Variants in SLC25A48 observed in about 807,000 individuals in gnomAD.
SLC25A48 encodes solute carrier family 25 member 48, also known as CTC-321K16.1.
SLC25A48 carries 29 observed loss-of-function variants against 32.2 expected under a neutral mutation model. The observed-to-expected ratio is 0.90, with a 90% CI of 0.67 to 1.23. The LOEUF is 1.23. Among genes scored for constraint, SLC25A48 ranks in the 50% most tolerant of loss-of-function variants. SLC25A48 has a pLI of 0.00. For synonymous variants in SLC25A48, 164 were observed against 172.3 expected (o/e 0.95, Z 0.38); for missense variants, 399 against 422.7 (o/e 0.94, Z 0.49).
chr5:135,845,037 A>G (rs955969906), intron 2 of SLC25A48, among the ~76,000 whole-genome samples: 3 of 152,240 alleles, frequency 2.0e-5, no homozygotes, highest in Admixed American at 6.5e-5. Flanking sequence ...TGCTGTAACA[A>G]ATAACCACAA....
intron 3 of SLC25A48, among the ~76,000 whole-genome samples, chr5:135,725,580 C>T (rs1273062570): frequency 6.6e-6 from 1 of 152,208 alleles, no homozygotes; most frequent in Non-Finnish European, 1.5e-5. Flanking sequence ...CCCTCTCCTT[C>T]CTCAAGTTAC....
At chr5:135,624,494 G>A (rs1230111925) in intron 1 of SLC25A48, among the ~76,000 whole-genome samples, 1 of 152,220 alleles carries the variant, frequency 6.6e-6, no homozygotes, top group East Asian at 1.9e-4. Flanking sequence ...TAATAGTGTA[G>A]ATGGTAAATA....
intron 4 of SLC25A48, among the ~76,000 whole-genome samples, chr5:135,860,622 A>G (rs766122355): frequency 2.0e-4 from 30 of 152,166 alleles, no homozygotes; most frequent in Non-Finnish European, 4.0e-4. Context: ...CAAACAGAAC[A>G]CCATAGAGCC....
intron 3 of SLC25A48, among the ~76,000 whole-genome samples, chr5:135,657,178 T>C (rs1340308566): frequency 6.6e-6 from 1 of 152,168 alleles, no homozygotes; most frequent in Admixed American, 6.5e-5. Context: ...CCCTGTAATT[T>C]AGTTCTACCA....
chr5:135,882,392 G>A (rs144962347), intron 7 of SLC25A48, among the ~76,000 whole-genome samples: 2 of 152,264 alleles, frequency 1.3e-5, no homozygotes, highest in African/African-American at 4.8e-5. Flanking sequence ...CTCTTTGAAT[G>A]CCTCCCTCAT....
chr5:135,763,959 G>T (rs1170400863), intron 3 of SLC25A48, among the ~76,000 whole-genome samples: 3 of 152,148 alleles, frequency 2.0e-5, no homozygotes, highest in Non-Finnish European at 4.4e-5. Flanking sequence ...TGCAACTTCT[G>T]TCTGCCGGGT....
intron 3 of SLC25A48, among the ~76,000 whole-genome samples, chr5:135,647,309 C>T (rs144980179): frequency 1.6e-3 from 251 of 152,166 alleles, no homozygotes; most frequent in African/African-American, 5.8e-3. Context: ...TGATCCAATC[C>T]AGGGCACCGC....
chr5:135,712,986 A>G (rs572437955), intron 3 of SLC25A48, among the ~76,000 whole-genome samples: 78 of 152,252 alleles, frequency 5.1e-4, no homozygotes, highest in African/African-American at 1.7e-3. Context: ...TATCCATCCT[A>G]TGTTCCCCTT....
chr5:135,767,306 T>C (rs1023088486), intron 3 of SLC25A48, among the ~76,000 whole-genome samples: 6 of 151,910 alleles, frequency 3.9e-5, no homozygotes, highest in Non-Finnish European at 8.8e-5. Flanking sequence ...TGATATTACT[T>C]TCCATATCGT....
intron 1 of SLC25A48, among the ~76,000 whole-genome samples, chr5:135,610,874 A>T (rs1561757183): frequency 6.6e-6 from 1 of 152,238 alleles, no homozygotes; most frequent in Admixed American, 6.5e-5. Context: ...CACTTTATAC[A>T]TAACTTTAGT....
At chr5:135,724,379 T>C (rs1484160688) in intron 3 of SLC25A48, among the ~76,000 whole-genome samples, 1 of 150,434 alleles carries the variant, frequency 6.6e-6, no homozygotes, top group East Asian at 2.0e-4. Flanking sequence ...CCATACCTCC[T>C]TGGAGCCCCC....
chr5:135,711,945 C>T (rs1310310800), intron 3 of SLC25A48, among the ~76,000 whole-genome samples: 1 of 151,926 alleles, frequency 6.6e-6, no homozygotes, highest in East Asian at 1.9e-4. Flanking sequence ...CCCCCTCCCA[C>T]CCAGGCATCC....
At chr5:135,671,318 T>C (rs568745162) in intron 3 of SLC25A48, among the ~76,000 whole-genome samples, 27 of 152,346 alleles carry the variant, frequency 1.8e-4, no homozygotes, top group Admixed American at 1.0e-3. Flanking sequence ...TTCCTTTATG[T>C]AGCAGGCTCT....
intron 3 of SLC25A48, among the ~76,000 whole-genome samples, chr5:135,801,690 G>A (rs1757330708): frequency 6.6e-6 from 1 of 150,972 alleles, no homozygotes; most frequent in African/African-American, 2.4e-5. Context: ...CTATAATAAG[G>A]TTTGTAATAT....
rs368986191 is a variant in SLC25A48 at position 135,759,565 on chromosome 5, C to T, written c.-520-52958C>T. 7.9e-5 allele frequency among the ~76,000 whole-genome samples: 12 copies of T among 152,216 alleles called. No homozygotes were observed. In the East Asian group the frequency reaches 9.7e-4, roughly 12 times the overall value. ...CCTGAATAAGTCATACAGGGATGCCCCTACTCACAGCCAAGATTAGAGCAT... is the reference window on the plus strand; with the variant it reads ...CCTGAATAAGTCATACAGGGATGCCTCTACTCACAGCCAAGATTAGAGCAT... On this transcript the variant is annotated intron_variant, in intron 3 of 10. Coordinates refer to the SLC25A48 transcript ENST00000646290.
intron 3 of SLC25A48, among the ~76,000 whole-genome samples, chr5:135,811,146 A>G (rs1757582011): frequency 6.6e-6 from 1 of 152,144 alleles, no homozygotes; most frequent in African/African-American, 2.4e-5. Flanking sequence ...CAGGACTTCC[A>G]AACCCATGAA....
intron 3 of SLC25A48, among the ~76,000 whole-genome samples, chr5:135,704,323 C>CTTTA (rs1754461370): frequency 6.6e-6 from 1 of 152,236 alleles, no homozygotes; most frequent in South Asian, 2.1e-4. Flanking sequence ...CTGGGCCTGT[C>CTTTA]TTTAACCCAG....
chr5:135,662,140 A>G (rs182793672), intron 3 of SLC25A48, among the ~76,000 whole-genome samples: 1 of 152,310 alleles, frequency 6.6e-6, no homozygotes, highest in Non-Finnish European at 1.5e-5. Flanking sequence ...CTGCTAGGGA[A>G]AGATAACATC....
chr5:135,816,318 A>G (rs186893415), intron 4 of SLC25A48, among the ~76,000 whole-genome samples: 63 of 152,356 alleles, frequency 4.1e-4, no homozygotes, highest in African/African-American at 1.4e-3. Flanking sequence ...TACATAAAAT[A>G]TATTACATTA....
Sources: allele counts gnomAD v4.1 joint callset (sites outside exome capture counted in the v4.1 genomes callset), GRCh38; gene constraint gnomAD v4.1.1; transcripts MANE v1.5; gene names NCBI Gene and HGNC (gene_info 2026-07-23, HGNC 2026-07-21).